The following TBX1 variants were observed in gnomAD, a reference collection of about 807,000 sequenced individuals.
The protein encoded by TBX1 is T-box transcription factor TBX1.
A neutral mutation model predicts 40.8 loss-of-function variants in TBX1; 16 were observed. That is an observed-to-expected ratio of 0.39 (90% CI 0.27 to 0.60). TBX1 has a LOEUF of 0.60. TBX1 is among the 20% of genes least tolerant of loss of function. The pLI, the probability that TBX1 is intolerant of heterozygous loss-of-function variation, is 0.51. For missense variants in TBX1, 755 were observed against 728.5 expected (o/e 1.04, Z -0.42); for synonymous variants, 403 against 336.8 (o/e 1.20, Z -2.15).
At chr22:19,759,994 G>C (rs1028540737), upstream of TBX1, among the ~76,000 whole-genome samples, 1 of 152,168 alleles carries the variant, frequency 6.6e-6, no homozygotes, top group Admixed American at 6.5e-5. Context: ...AGGAGAGAGC[G>C]GGAGAGTTTC....
chr22:19,758,716 G>A (rs935476387), upstream of TBX1, among the ~76,000 whole-genome samples: 3 of 152,018 alleles, frequency 2.0e-5, no homozygotes, highest in African/African-American at 2.4e-5. Flanking sequence ...TCGGAGGAGC[G>A]GGCACTGCCC....
chr22:19,759,524 G>A, upstream of TBX1: 1 of 1,539,794 alleles, frequency 6.5e-7, no homozygotes, highest in Non-Finnish European at 8.7e-7. Flanking sequence ...GTCTCCCCGA[G>A]CCAGTGCGTT....
chr22:19,758,687 C>T (rs1404003048), upstream of TBX1, among the ~76,000 whole-genome samples: 11 of 152,104 alleles, frequency 7.2e-5, no homozygotes, highest in African/African-American at 1.2e-4. Flanking sequence ...TCCCTGCGCC[C>T]GGCCGGTGCG....
intron 2 of TBX1, chr22:19,763,825 C>G (rs1047907416): frequency 4.6e-5 from 23 of 498,200 alleles, no homozygotes; most frequent in African/African-American, 4.2e-4. Flanking sequence ...GCCTGAGGCC[C>G]GGCAAGGCCA....
rs756680878 is a variant in TBX1, at chr22:19,766,771, G to GGCC, written c.1431_1433dup (p.Ala485dup). 22 of 1,472,892 alleles carry GGCC rather than the reference G, an allele frequency of 1.5e-5. No individual in the cohort carries two copies. In the South Asian group the frequency reaches 2.4e-4, roughly 16 times the overall value. 91.2% of individuals were successfully genotyped at this position (1,472,892 alleles called of 1,614,324 possible). ...ACCACCCCGTGAGTCCAGCCGCCGC[G>GGCC]GCCGCCGCCGCCGCTGCCGCAGCTG... On this transcript the variant is annotated inframe_insertion, in exon 7 of 7. Coordinates refer to ENST00000649276, the MANE Select transcript of TBX1 (RefSeq NM_001379200.1).
chr22:19,761,242 C>A lies in TBX1; in HGVS notation c.399C>A (p.Asn133Lys). Residue 133 changes from asparagine to lysine, a missense_variant, in exon 1 of 7, where the codon AAC becomes AAA. Asn to Lys is a moderately conservative substitution (Grantham distance 94, BLOSUM62 0). Transcript: ENST00000649276. ...LEMKALWDEF[N>K]QLGTEMIVTK... ...TGAAGGCGCTGTGGGACGAGTTCAA[C>A]CAGCTGGGCACCGAGATGATCGTCA... is the stretch of plus-strand genomic sequence containing the variant. The A allele has an allele frequency of 6.4e-7, 1 of 1,571,296 alleles. No homozygotes were observed.
Position 19,766,829 on chromosome 22 carries a change from G to T in TBX1, c.1477G>T (p.Ala493Ser). The change falls in exon 7 of 7, where the codon GCC becomes TCC. Residue 493 changes from alanine (A) to serine (S), a missense_variant. Physicochemically the swap from Ala to Ser is moderately conservative, Grantham distance 99. Coordinates refer to ENST00000649276, the MANE Select transcript of TBX1 (RefSeq NM_001379200.1). ...CGCCAACATGTACTCGTCGGCCGGA[G>T]CCGCGCCGCCCGGCTCCTACGACTA... is the stretch of plus-strand genomic sequence containing the variant. ...AAANMYSSAG[A>S]APPGSYDYCP... 6.4e-7 allele frequency: 1 copy of T among 1,567,298 alleles called. No homozygotes were observed. Among genetic ancestry groups the T allele is most frequent in the Non-Finnish European group, 8.6e-7 (1 of 1,167,356 alleles).
At chr22:19,765,165 G>C in intron 4 of TBX1, 52 bp downstream of exon 4, 1 of 1,613,222 alleles carries the variant, frequency 6.2e-7, no homozygotes, top group Non-Finnish European at 8.5e-7. Flanking sequence ...TGGAAAAGCG[G>C]GTGTAATTTT....
At position 19,766,506 on chromosome 22, in the gene TBX1, C is replaced by T. The variant is rs1316617021; in HGVS notation, c.1154C>T (p.Ala385Val). 2.3e-6 allele frequency: 3 copies of T among 1,305,486 alleles called. No individual in the cohort carries two copies. The highest frequency in any genetic ancestry group is 1.9e-6 in the Non-Finnish European group (2 of 1,030,524). The allele number at this position is 1,305,486 out of a possible 1,614,324, so 80.9% of individuals were successfully genotyped here. Residue 385 changes from alanine (A) to valine (V), a missense_variant, in exon 7 of 7, where the codon GCC becomes GTC. By Grantham distance (64) the Ala-to-Val change is moderately conservative. Coordinates refer to ENST00000649276, the MANE Select transcript of TBX1 (RefSeq NM_001379200.1). ...GTGCTAAGCCCCTCGCTGCCCGGGG[C>T]CGGCGGCGCCGGCGGCTTAGTCCCG... is the stretch of plus-strand genomic sequence containing the variant. ...ARVLSPSLPG[A>V]GGAGGLVPLP...
intron 8 of TBX1, among the ~76,000 whole-genome samples, chr22:19,776,943 G>T (rs563016448): frequency 8.5e-5 from 13 of 152,170 alleles, no homozygotes; most frequent in Admixed American, 7.8e-4. Context: ...ATCAGCCAGT[G>T]CAGGCAGGAA....
chr22:19,781,836 T>G (rs752652532), downstream of TBX1, among the ~76,000 whole-genome samples: 5 of 152,218 alleles, frequency 3.3e-5, no homozygotes, highest in Non-Finnish European at 7.3e-5. Context: ...AAAAATCATT[T>G]GGCCAGCCAG....
intron 8 of TBX1, among the ~76,000 whole-genome samples, chr22:19,772,886 G>A (rs184059538): frequency 2.8e-3 from 425 of 152,306 alleles, no homozygotes; most frequent in Non-Finnish European, 4.4e-3. Context: ...GCTGCCGGGC[G>A]CCCTTCTCCA....
rs1014624067 is a variant in TBX1 at position 19,765,700 on chromosome 22, G to A, written c.868-58G>A. The stretch of plus-strand genomic sequence containing the variant: ...CTAACACTCCCCTATCCTCCGCCGA[G>A]GTCGGGTGGCCCAGGCTGCAGGGCT... On this transcript the variant is annotated intron_variant, in intron 4 of 6. Transcript: ENST00000649276. 17 of 1,595,982 alleles carry A rather than the reference G, an allele frequency of 1.1e-5. No homozygotes were observed. The Admixed American group carries it at 2.5e-4, about 24-fold the overall frequency.
In TBX1 at chr22:19,766,556, C is replaced by T. The variant is rs1485590152; in HGVS notation, c.1204C>T (p.Pro402Ser). 3 of 1,413,520 alleles carry T rather than the reference C, an allele frequency of 2.1e-6. No individual in the cohort carries two copies. The highest frequency in any genetic ancestry group is 2.8e-6 in the Non-Finnish European group (3 of 1,083,572). The allele number at this position is 1,413,520 out of a possible 1,614,324, so 87.6% of individuals were successfully genotyped here. ...GCTGCCCGGCGCGCCCGGAGGCCGGCCCAGTCCCCCGAACCCCGAGCTGCG... is the reference window on the plus strand; with the variant it reads ...GCTGCCCGGCGCGCCCGGAGGCCGGTCCAGTCCCCCGAACCCCGAGCTGCG... ...VPLPGAPGGR[P>S]SPPNPELRLE... The change falls in exon 7 of 7, where the codon CCC becomes TCC. Residue 402 changes from proline to serine, a missense_variant. Coordinates refer to ENST00000649276, the MANE Select transcript of TBX1 (RefSeq NM_001379200.1).
downstream of TBX1, among the ~76,000 whole-genome samples, chr22:19,768,908 G>A (rs1343170944): frequency 6.7e-6 from 1 of 150,052 alleles, no homozygotes; most frequent in African/African-American, 2.4e-5. Flanking sequence ...GGAGCACCCA[G>A]CCGTCCAGCA....
chr22:19,765,990 G>C lies in TBX1; in HGVS notation c.1024G>C (p.Gly342Arg). 6.6e-7 allele frequency: 1 copy of C among 1,511,990 alleles called. No individual in the cohort carries two copies. Among genetic ancestry groups the C allele is most frequent in the South Asian group, 1.2e-5 (1 of 81,524 alleles). 93.7% of individuals were successfully genotyped at this position (1,511,990 alleles called of 1,614,324 possible). A position where few individuals can be genotyped will look rare whatever the true frequency, so the allele number is the denominator to read the frequency against. Residue 342 changes from glycine (G) to arginine (R), a missense_variant, in exon 6 of 7, where the codon GGC becomes CGC. Physicochemically the swap from Gly to Arg is moderately radical, Grantham distance 125 (BLOSUM62 -2). This residue lies in a region of TBX1 where 412 missense variants were observed against 317.6 expected (regional missense o/e 1.30). Coordinates refer to ENST00000649276, the MANE Select transcript of TBX1 (RefSeq NM_001379200.1). ...NPVASPTQPS[G>R]TEKDAAEARR... ...CGTGGCTTCCCCGACGCAGCCCAGC[G>C]GCACGGAGAAAGGTAGGGCCGGGGT...
chr22:19,769,059 C>A (rs1040160603), downstream of TBX1, among the ~76,000 whole-genome samples: 1 of 149,266 alleles, frequency 6.7e-6, no homozygotes, highest in South Asian at 2.1e-4. Context: ...CTCCTGGGTT[C>A]AAGTGATTTC....
chr22:19,772,125 T>G (rs992368545), downstream of TBX1, among the ~76,000 whole-genome samples: 1 of 152,208 alleles, frequency 6.6e-6, no homozygotes. Context: ...TTTTTTGAGA[T>G]AGAGTCTTGC....
chr22:19,779,572 A>G (rs1028885528), downstream of TBX1: 1 of 1,450,524 alleles, frequency 6.9e-7, no homozygotes, highest in Non-Finnish European at 9.1e-7. Flanking sequence ...TCACACTCCC[A>G]GTTGATAAAT....
Sources: gnomAD v4.1 joint callset for allele counts (sites outside exome capture counted in the v4.1 genomes callset) on GRCh38, gnomAD v4.1.1 for gene constraint, gnomAD v4.1.1 regional missense constraint, MANE v1.5 for transcripts, NCBI Gene and HGNC (gene_info 2026-07-23, HGNC 2026-07-21) for gene names.